CNTNAP3B: variants seen among roughly 807,000 people sequenced by gnomAD.
CNTNAP3B encodes the protein contactin associated protein family member 3B, also known as contactin-associated protein-like 3B.
In CNTNAP3B, 25 loss-of-function variants were observed where a neutral mutation model predicts 108.9. That is an observed-to-expected ratio of 0.23 (90% CI 0.17 to 0.32). The LOEUF (loss-of-function observed/expected upper bound fraction) is 0.32, where lower values mean the gene tolerates loss of function less well. Ranked by LOEUF, CNTNAP3B falls within the 10% of genes least tolerant of loss-of-function variation. The pLI, the probability that CNTNAP3B is intolerant of heterozygous loss-of-function variation, is 1.00. For synonymous variants in CNTNAP3B, 103 were observed against 473.4 expected (o/e 0.22, Z 10.16); for missense variants, 252 against 1,210.4 (o/e 0.21, Z 11.75).
intron 17 of CNTNAP3B, among the ~76,000 whole-genome samples, chr9:41,920,791 G>A (rs997902007): frequency 1.3e-5 from 2 of 152,306 alleles, no homozygotes; most frequent in Non-Finnish European, 2.9e-5. Context: ...TACTTGGATG[G>A]ACTCTAAAAA....
chr9:42,124,026 C>G (rs1341794556), intron 1 of CNTNAP3B, among the ~76,000 whole-genome samples: 3 of 134,060 alleles, frequency 2.2e-5, no homozygotes, highest in Non-Finnish European at 3.1e-5. Flanking sequence ...ATTCAAACCA[C>G]AGCCCAGGCA....
chr9:42,103,377 G>A (rs1033123001), intron 2 of CNTNAP3B, among the ~76,000 whole-genome samples: 1 of 142,012 alleles, frequency 7.0e-6, no homozygotes, highest in Non-Finnish European at 1.5e-5. Flanking sequence ...TGCATTAAAT[G>A]TGCTCAAATA....
At chr9:41,919,142 T>G (rs1211892011) in intron 18 of CNTNAP3B, among the ~76,000 whole-genome samples, 1 of 151,834 alleles carries the variant, frequency 6.6e-6, no homozygotes, top group South Asian at 2.1e-4. Flanking sequence ...CTTTTCTTTT[T>G]TTTTTTCCCC....
chr9:41,924,945 T>C (rs1823772860), intron 15 of CNTNAP3B, among the ~76,000 whole-genome samples: 1 of 152,130 alleles, frequency 6.6e-6, no homozygotes, highest in South Asian at 2.1e-4. Context: ...ATTCATGTTG[T>C]GCATTTTTGT....
chr9:42,126,988 C>T (rs1828585922), intron 1 of CNTNAP3B, among the ~76,000 whole-genome samples: 1 of 138,634 alleles, frequency 7.2e-6, no homozygotes, highest in Non-Finnish European at 1.5e-5. Flanking sequence ...ATGGTGTCTT[C>T]ATGAGAAGGA....
intron 13 of CNTNAP3B, among the ~76,000 whole-genome samples, chr9:41,947,923 A>C (rs1422144068): frequency 3.9e-5 from 6 of 152,046 alleles, no homozygotes; most frequent in Non-Finnish European, 8.8e-5. Flanking sequence ...AATTCAGATT[A>C]ATGGACAAAT....
chr9:41,968,901 A>T (rs1267069381), intron 10 of CNTNAP3B, among the ~76,000 whole-genome samples: 22 of 151,658 alleles, frequency 1.5e-4, no homozygotes, highest in Non-Finnish European at 2.6e-4. Context: ...GGTTCACGCC[A>T]TTCTCCTGCC....
chr9:41,944,248 A>T (rs1280048572), intron 13 of CNTNAP3B, among the ~76,000 whole-genome samples: 1 of 148,688 alleles, frequency 6.7e-6, no homozygotes, highest in Non-Finnish European at 1.5e-5. Flanking sequence ...ACATAAAGAA[A>T]GGTAGGAGCA....
At chr9:41,983,036 C>G (rs1178633802) in intron 9 of CNTNAP3B, among the ~76,000 whole-genome samples, 1 of 122,144 alleles carries the variant, frequency 8.2e-6, no homozygotes, top group Non-Finnish European at 1.7e-5. Context: ...CCACAGCCTA[C>G]TTGAGGGTGG....
chr9:42,063,435 C>A lies in CNTNAP3B; in HGVS notation c.390+13434G>T, dbSNP rs1359837217. On this transcript the variant is annotated intron_variant, in intron 3 of 23. Coordinates refer to ENST00000377561, the MANE Select transcript of CNTNAP3B (RefSeq NM_001201380.3). ...GTCTGCTTCTAGTATTAATGGAATT[C>A]CCTTATATGTGACATGCTTCTTTTG... 1.5e-5 allele frequency among the ~76,000 whole-genome samples: 2 copies of A among 134,498 alleles called. 1 individual carries two copies. The highest frequency in any genetic ancestry group is 6.0e-5 in the African/African-American group (2 of 33,202). 88.2% of individuals were successfully genotyped at this position (134,498 alleles called of 152,430 possible). A position where few individuals can be genotyped will look rare whatever the true frequency, so the allele number is the denominator to read the frequency against.
Position 41,918,599 on chromosome 9 carries a change from A to G in CNTNAP3B, c.2995+1471T>C, listed in dbSNP as rs553363035. 3.5e-5 allele frequency among the ~76,000 whole-genome samples: 5 copies of G among 142,862 alleles called. No individual in the cohort carries two copies. In the East Asian group the frequency reaches 9.9e-4, roughly 28 times the overall value. The allele number at this position is 142,862 out of a possible 152,430, so 93.7% of individuals were successfully genotyped here. ...TGAAAATCCAGATCATTCTTATTAG[A>G]TTAGGTAATCTAACTATAACATATG... is the stretch of plus-strand genomic sequence containing the variant. On this transcript the variant is annotated intron_variant, in intron 18 of 23. Transcript: ENST00000377561.
chr9:41,926,397 C>T (rs1213749579), intron 15 of CNTNAP3B, among the ~76,000 whole-genome samples: 10,483 of 144,638 alleles, frequency 0.072, 27 homozygotes, highest in Middle Eastern at 0.13. Flanking sequence ...AAAAGAGAAA[C>T]GAAGAGGAAG....
chr9:42,086,425 C>T (rs564349321), intron 2 of CNTNAP3B, among the ~76,000 whole-genome samples: 2 of 138,758 alleles, frequency 1.4e-5, no homozygotes, highest in African/African-American at 5.7e-5. Flanking sequence ...TACATTTTTG[C>T]ATTTACTTTT....
chr9:41,939,113 G>A (rs1284127623), intron 13 of CNTNAP3B, among the ~76,000 whole-genome samples: 1 of 152,300 alleles, frequency 6.6e-6, no homozygotes, highest in African/African-American at 2.4e-5. Flanking sequence ...CTGCATATTA[G>A]GACAAGGGAT....
At chr9:41,926,702 C>CCAT (rs1823830701) in intron 15 of CNTNAP3B, 1 of 152,464 alleles carries the variant, frequency 6.6e-6, no homozygotes, top group African/African-American at 2.4e-5. Flanking sequence ...AGCCATCCTC[C>CCAT]CATCTCAGTC....
At chr9:41,973,351 T>G (rs1266673454) in intron 9 of CNTNAP3B, among the ~76,000 whole-genome samples, 5 of 134,924 alleles carry the variant, frequency 3.7e-5, no homozygotes, top group Non-Finnish European at 8.0e-5. Context: ...CAGGACAAAT[T>G]CTAATCATAA....
At chr9:41,933,308 C>T (rs1370293688) in intron 14 of CNTNAP3B, among the ~76,000 whole-genome samples, 2 of 152,420 alleles carry the variant, frequency 1.3e-5, no homozygotes, top group Admixed American at 6.5e-5. Flanking sequence ...AACAACCTTC[C>T]TCTCTGTGTG....
intron 2 of CNTNAP3B, among the ~76,000 whole-genome samples, chr9:42,080,466 ATGG>A (rs1827590306): frequency 7.2e-6 from 1 of 138,696 alleles, no homozygotes; most frequent in African/African-American, 2.9e-5. Context: ...CTGAGTGGAA[ATGG>A]TGGGAAACAC....
intron 3 of CNTNAP3B, among the ~76,000 whole-genome samples, chr9:42,041,443 T>G (rs1381725448): frequency 1.3e-5 from 2 of 151,150 alleles, no homozygotes; most frequent in African/African-American, 4.9e-5. Flanking sequence ...GAACAGACAC[T>G]TCTCAAAAGA....
Sources: allele counts gnomAD v4.1 joint callset (sites outside exome capture counted in the v4.1 genomes callset), GRCh38; gene constraint gnomAD v4.1.1; transcripts MANE v1.5; gene names NCBI Gene and HGNC (gene_info 2026-07-23, HGNC 2026-07-21).